Variants in MAP1B observed in about 807,000 individuals in gnomAD.
The protein encoded by MAP1B is microtubule associated protein 1B.
A neutral mutation model predicts 176.1 loss-of-function variants in MAP1B; 12 were observed. That is an observed-to-expected ratio of 0.07 (90% CI 0.04 to 0.11). The LOEUF is 0.11. MAP1B is among the 10% of genes least tolerant of loss of function. The pLI is 1.00. For synonymous variants in MAP1B, 1,044 were observed against 1,135.0 expected (o/e 0.92, Z 1.61); for missense variants, 2,523 against 2,990.5 (o/e 0.84, Z 3.65).
At chr5:72,159,957 CCTT>C (rs1014300280) in intron 2 of MAP1B, among the ~76,000 whole-genome samples, 1 of 152,174 alleles carries the variant, frequency 6.6e-6, no homozygotes, top group Non-Finnish European at 1.5e-5. Context: ...CCAACTAGCT[CCTT>C]CTCTATGCCT....
At chr5:72,117,942 A>T (rs2112123617) in intron 2 of MAP1B, among the ~76,000 whole-genome samples, 1 of 152,322 alleles carries the variant, frequency 6.6e-6, no homozygotes, top group East Asian at 1.9e-4. Context: ...GTTTCAGATA[A>T]GTGTGTTTTA....
In MAP1B at chr5:72,199,993, G is replaced by C. The variant is rs754794035; in HGVS notation, c.6638G>C (p.Arg2213Pro). The change falls in exon 5 of 7, where the codon CGC becomes CCC. Residue 2213 changes from arginine to proline, a missense_variant. By Grantham distance (103) the Arg-to-Pro change is moderately radical. This residue lies in a region of MAP1B where 287 missense variants were observed against 401.5 expected (regional missense o/e 0.71). Coordinates refer to ENST00000296755, the MANE Select transcript of MAP1B (RefSeq NM_005909.5). This position sits in a 1 kb window ranked among gnomAD's most constrained non-coding sequence, Gnocchi z 4.2. ...GTGCAAGACCGCAGCCCTTCGCCAC[G>C]CCACCCTGATGTGTCCATGGTGGAC... Reference protein sequence around the residue: ...APVQDRSPSPRHPDVSMVDPE... With the variant: ...APVQDRSPSPPHPDVSMVDPE... 6.2e-6 allele frequency: 10 copies of C among 1,614,130 alleles called. No individual in the cohort carries two copies. The highest frequency in any genetic ancestry group is 8.5e-6 in the Non-Finnish European group (10 of 1,180,030).
intron 4 of MAP1B, among the ~76,000 whole-genome samples, 194 bp from the exon 5 acceptor site, chr5:72,193,672 C>A (rs781464644): frequency 2.0e-5 from 3 of 152,122 alleles, no homozygotes; most frequent in Non-Finnish European, 4.4e-5. Flanking sequence ...GGGCTCAGGA[C>A]AAAGGCTGTT....
At chr5:72,148,339 C>A (rs1051994890) in intron 2 of MAP1B, among the ~76,000 whole-genome samples, 2 of 152,132 alleles carry the variant, frequency 1.3e-5, no homozygotes, top group Non-Finnish European at 2.9e-5. Context: ...TTCATGGAGA[C>A]CAGCTGAGAC....
Position 72,199,062 on chromosome 5 carries a change from G to A in MAP1B, c.5707G>A (p.Gly1903Ser), listed in dbSNP as rs768228578. The change falls in exon 5 of 7, where the codon GGC becomes AGC. Residue 1903 changes from glycine (G) to serine (S), a missense_variant. Transcript: ENST00000296755. The surrounding 1 kb of genome is among the most constrained non-coding windows in gnomAD (Gnocchi z 4.2). ...EKTTRTSDVGGYYYEKIERTT... is the reference protein window; with the variant it reads ...EKTTRTSDVGSYYYEKIERTT... ...GACCACCCGGACCTCAGATGTGGGT[G>A]GCTATTACTATGAGAAGATAGAGAG... 4 of 1,614,102 alleles carry A rather than the reference G, an allele frequency of 2.5e-6. No individual in the cohort carries two copies. Among genetic ancestry groups the A allele is most frequent in the Non-Finnish European group, 3.4e-6 (4 of 1,180,006 alleles).
rs1399219157 is a variant in MAP1B, at chr5:72,208,937, C to T, written c.*3698C>T. On this transcript the variant is annotated 3_prime_UTR_variant, in exon 7 of 7. Transcript: ENST00000296755. ...GATTTAGAAGAAAAGATCCTGTTTC[C>T]ATTTGAAAGGAACTGTAAGCTTTTA... 6.6e-6 allele frequency: 1 copy of T among 151,994 alleles called. No homozygotes were observed. Among genetic ancestry groups the T allele is most frequent in the African/African-American group, 2.4e-5 (1 of 41,372 alleles). The allele number at this position is 151,994 out of a possible 1,614,324, so 9.4% of individuals were successfully genotyped here. A position where few individuals can be genotyped will look rare whatever the true frequency, so the allele number is the denominator to read the frequency against.
chr5:72,151,746 C>T (rs1360486147), intron 2 of MAP1B, among the ~76,000 whole-genome samples: 2 of 152,138 alleles, frequency 1.3e-5, no homozygotes, highest in Non-Finnish European at 2.9e-5. Flanking sequence ...CTGGGCTCAC[C>T]CAGGGGCCAG....
intron 2 of MAP1B, among the ~76,000 whole-genome samples, chr5:72,158,749 G>A (rs1191583774): frequency 6.6e-6 from 1 of 152,212 alleles, no homozygotes; most frequent in Non-Finnish European, 1.5e-5. Context: ...AGACTCGTAT[G>A]TGGTGAGGCA....
At chr5:72,130,176 GA>G (rs1280923595) in intron 2 of MAP1B, among the ~76,000 whole-genome samples, 2 of 39,780 alleles carry the variant, frequency 5.0e-5, no homozygotes, top group African/African-American at 2.2e-4. Flanking sequence ...TTAAAAAGAA[GA>G]AAAGTGGAAA....
chr5:72,146,125 A>G (rs1746042043), intron 2 of MAP1B, among the ~76,000 whole-genome samples: 1 of 152,252 alleles, frequency 6.6e-6, no homozygotes. Context: ...GGACCTTTGC[A>G]ATGCCAGTTG....
At chr5:72,143,045 T>C (rs1441119252) in intron 2 of MAP1B, among the ~76,000 whole-genome samples, 3 of 152,302 alleles carry the variant, frequency 2.0e-5, no homozygotes, top group Middle Eastern at 3.4e-3. Flanking sequence ...GTTCTAATCA[T>C]AGATTCTTCT....
At chr5:72,143,534 A>G (rs2112156585) in intron 2 of MAP1B, among the ~76,000 whole-genome samples, 1 of 152,314 alleles carries the variant, frequency 6.6e-6, no homozygotes, top group East Asian at 1.9e-4. Flanking sequence ...CTTTTAAAAA[A>G]CATATCTGTC....
chr5:72,111,397 T>C (rs187970395), intron 1 of MAP1B, among the ~76,000 whole-genome samples: 1 of 152,354 alleles, frequency 6.6e-6, no homozygotes, highest in Non-Finnish European at 1.5e-5. Context: ...TAGATGAATG[T>C]AACATCTACT....
chr5:72,111,567 A>G (rs760470993), intron 1 of MAP1B, among the ~76,000 whole-genome samples: 6 of 152,238 alleles, frequency 3.9e-5, no homozygotes, highest in Admixed American at 6.5e-5. Context: ...TAAGAAACCA[A>G]TACCATATGT....
chr5:72,153,384 A>G (rs781492101), intron 2 of MAP1B, among the ~76,000 whole-genome samples: 4 of 152,076 alleles, frequency 2.6e-5, no homozygotes, highest in Non-Finnish European at 4.4e-5. Context: ...CCACTCATAT[A>G]AAGGCAGAAA....
intron 2 of MAP1B, among the ~76,000 whole-genome samples, chr5:72,162,030 C>T (rs1193028819): frequency 1.3e-5 from 2 of 149,640 alleles, no homozygotes; most frequent in Admixed American, 6.6e-5. Flanking sequence ...AGTTCAGAAA[C>T]CTTATGAAGA....
At chr5:72,152,524 G>A (rs1278741883) in intron 2 of MAP1B, among the ~76,000 whole-genome samples, 2 of 152,148 alleles carry the variant, frequency 1.3e-5, no homozygotes, top group African/African-American at 4.8e-5. Context: ...TCGGCCCACT[G>A]CAACCTCCAC....
chr5:72,129,730 TC>T (rs1464588448), intron 2 of MAP1B, among the ~76,000 whole-genome samples: 1 of 152,124 alleles, frequency 6.6e-6, no homozygotes, highest in Admixed American at 6.5e-5. Context: ...TCTTATTGTG[TC>T]CTCCCTGCCA....
intron 2 of MAP1B, among the ~76,000 whole-genome samples, chr5:72,182,577 C>G (rs1746793857): frequency 6.6e-6 from 1 of 152,194 alleles, no homozygotes; most frequent in South Asian, 2.1e-4. Flanking sequence ...TCAAATCCAC[C>G]TGGAAGTGGG....
Sources: allele counts gnomAD v4.1 joint callset (sites outside exome capture counted in the v4.1 genomes callset), GRCh38; gene constraint gnomAD v4.1.1; regional missense constraint gnomAD v4.1.1; non-coding constraint Gnocchi (gnomAD v3.1); transcripts MANE v1.5; gene names NCBI Gene and HGNC (gene_info 2026-07-23, HGNC 2026-07-21).